IST1: variants seen among roughly 807,000 people sequenced by gnomAD.
IST1 encodes IST1 factor associated with ESCRT-III, also known as IST1 homolog.
Under a neutral mutation model 37.0 loss-of-function variants are expected in IST1, and 23 were observed. The ratio of observed to expected loss-of-function variants is 0.62; its 90% confidence interval spans 0.45 to 0.88. The LOEUF (loss-of-function observed/expected upper bound fraction) is 0.88, where lower values mean the gene tolerates loss of function less well. Among genes scored for constraint, IST1 ranks in the 40% least tolerant of loss-of-function variants. The pLI is 0.00. For missense variants in IST1, 488 were observed against 445.4 expected, an observed-to-expected ratio of 1.10 and a Z score of -0.86; for synonymous variants, 180 against 161.7, an observed-to-expected ratio of 1.11 and a Z score of -0.86.
intron 4 of IST1, among the ~76,000 whole-genome samples, chr16:71,917,886 T>A (rs949310889): frequency 6.6e-6 from 1 of 152,212 alleles, no homozygotes; most frequent in Non-Finnish European, 1.5e-5. Flanking sequence ...GTCTGTCATG[T>A]TTGTTTCTCT....
Position 71,930,162 on chromosome 16 carries a change from G to A in IST1, c.*2349G>A. 3 of 1,549,328 alleles carry A rather than the reference G, an allele frequency of 1.9e-6. No individual in the cohort carries two copies. Among genetic ancestry groups the A allele is most frequent in the East Asian group, 2.4e-5 (1 of 40,908 alleles). ...CTGGTGAGGATCAGAAAGGTGCCCA[G>A]GACTGGGTCTAAAGCGAAAACCTGG... is the stretch of plus-strand genomic sequence containing the variant. On this transcript the variant is annotated 3_prime_UTR_variant, in exon 10 of 10. Coordinates refer to ENST00000378799, the MANE Select transcript of IST1 (RefSeq NM_001270975.2).
At position 71,908,823 on chromosome 16, in the gene IST1, A is replaced by G. The variant is rs1448717063; in HGVS notation, c.-15-6803A>G. 3.3e-5 allele frequency among the ~76,000 whole-genome samples: 5 copies of G among 152,264 alleles called. 1 individual carries two copies. The South Asian group carries it at 6.2e-4, about 19-fold the overall frequency. Reference sequence around the variant, plus strand: ...TCCAGGCTGGGGAACATCAGAGGGAAAAATGATAAACTCGCCGCCAGTTTA... The same window carrying G: ...TCCAGGCTGGGGAACATCAGAGGGAGAAATGATAAACTCGCCGCCAGTTTA... On this transcript the variant is annotated intron_variant, in intron 1 of 9. Transcript: ENST00000378799.
At chr16:71,896,567 A>G (rs957435251) in intron 1 of IST1, among the ~76,000 whole-genome samples, 1 of 152,078 alleles carries the variant, frequency 6.6e-6, no homozygotes, top group Non-Finnish European at 1.5e-5. Flanking sequence ...ATATATGTAT[A>G]TATTTCCCTC....
intron 8 of IST1, among the ~76,000 whole-genome samples, chr16:71,923,924 A>T (rs939571055): frequency 3.9e-5 from 6 of 151,948 alleles, no homozygotes; most frequent in African/African-American, 1.5e-4. Flanking sequence ...CTTGTTTTTG[A>T]CCAGCCTTGT....
intron 8 of IST1, among the ~76,000 whole-genome samples, chr16:71,923,706 C>G (rs1451078151): frequency 6.6e-6 from 1 of 152,176 alleles, no homozygotes; most frequent in Non-Finnish European, 1.5e-5. Flanking sequence ...TGAGCTGATA[C>G]AATCGTGGTG....
In IST1 at chr16:71,928,603, A is replaced by G. The variant is rs1489709095; in HGVS notation, c.*790A>G. On this transcript the variant is annotated 3_prime_UTR_variant, in exon 10 of 10. Coordinates refer to ENST00000378799, the MANE Select transcript of IST1 (RefSeq NM_001270975.2). ...CAGAGAAAGGACAAGGTGCCATTCA[A>G]GTCCTAGGGTGGGCTTCCAGCTGCC... is the stretch of plus-strand genomic sequence containing the variant. 2.0e-5 allele frequency: 3 copies of G among 152,678 alleles called. No individual in the cohort carries two copies. Among genetic ancestry groups the G allele is most frequent in the Non-Finnish European group, 4.4e-5 (3 of 68,052 alleles). 9.5% of individuals were successfully genotyped at this position (152,678 alleles called of 1,614,324 possible).
At chr16:71,912,102 G>C (rs1470409445) in intron 1 of IST1, among the ~76,000 whole-genome samples, 2 of 152,054 alleles carry the variant, frequency 1.3e-5, no homozygotes, top group African/African-American at 2.4e-5. Flanking sequence ...TCATCATCAT[G>C]ATCAAGTTTA....
intron 1 of IST1, among the ~76,000 whole-genome samples, chr16:71,906,851 C>T (rs2037234975): frequency 6.6e-6 from 1 of 151,932 alleles, no homozygotes; most frequent in African/African-American, 2.4e-5. Context: ...TCGTTTTTCC[C>T]AGACTGCTTT....
At chr16:71,920,410 C>G (rs1210489237) in intron 4 of IST1, among the ~76,000 whole-genome samples, 1 of 151,320 alleles carries the variant, frequency 6.6e-6, no homozygotes, top group Non-Finnish European at 1.5e-5. Flanking sequence ...ATGATTTATT[C>G]TTTAACAAGG....
intron 9 of IST1, among the ~76,000 whole-genome samples, chr16:71,926,841 G>T (rs2037756404): frequency 6.6e-6 from 1 of 151,856 alleles, no homozygotes; most frequent in East Asian, 1.9e-4. Flanking sequence ...GATGTGTGTG[G>T]GGGCATGATC....
intron 8 of IST1, chr16:71,923,957 T>C (rs561358033): frequency 5.0e-4 from 177 of 351,900 alleles, no homozygotes; most frequent in Non-Finnish European, 8.3e-4. Context: ...TGTAGGCCTT[T>C]TGAGACCTGT....
At chr16:71,904,629 G>C (rs74390303) in intron 1 of IST1, among the ~76,000 whole-genome samples, 61 of 152,246 alleles carry the variant, frequency 4.0e-4, no homozygotes, top group African/African-American at 1.4e-3. Context: ...GTCTGGTCTT[G>C]AACTCCTGAG....
intron 8 of IST1, among the ~76,000 whole-genome samples, chr16:71,923,827 A>G (rs938033332): frequency 3.9e-5 from 6 of 152,228 alleles, no homozygotes; most frequent in Non-Finnish European, 8.8e-5. Context: ...GTCGGCCGAC[A>G]GCATTGATTT....
upstream of IST1, chr16:71,894,717 GTAGC>G: frequency 5.4e-6 from 1 of 185,762 alleles, no homozygotes; most frequent in Non-Finnish European, 8.9e-6. Context: ...TTTTTTTTTT[GTAGC>G]GATGCGGTTT....
Position 71,929,813 on chromosome 16 carries a change from C to T in IST1, c.*2000C>T, listed in dbSNP as rs1207584626. The stretch of plus-strand genomic sequence containing the variant: ...ATTTCTTTAATAATTTGCAGTCAGG[C>T]ATTGGAGTGTTTCCACTAATGGTTG... On this transcript the variant is annotated 3_prime_UTR_variant, in exon 10 of 10. Transcript: ENST00000378799. The T allele has an allele frequency of 4.9e-6, 5 of 1,030,472 alleles. No individual in the cohort carries two copies. Among genetic ancestry groups the T allele is most frequent in the Admixed American group, 5.9e-5 (2 of 33,964 alleles). The allele number at this position is 1,030,472 out of a possible 1,614,324, so 63.8% of individuals were successfully genotyped here.
rs144931417 is a variant in IST1 at position 71,930,731 on chromosome 16, A to G, written c.*2918A>G. The G allele has an allele frequency of 6.6e-6, 1 of 152,264 alleles. No individual in the cohort carries two copies. The highest frequency in any genetic ancestry group is 1.5e-5 in the Non-Finnish European group (1 of 68,032). 9.4% of individuals were successfully genotyped at this position (152,264 alleles called of 1,614,324 possible). A position where few individuals can be genotyped will look rare whatever the true frequency, so the allele number is the denominator to read the frequency against. ...TCTTTACTTTTCTGCATACATAAAT[A>G]TCAAGTTCTGGGCTTATTGGAATGG... On this transcript the variant is annotated 3_prime_UTR_variant, in exon 10 of 10. Transcript: ENST00000378799.
chr16:71,924,929 A>C, intron 9 of IST1, 112 bp downstream of exon 9: 3 of 747,262 alleles, frequency 4.0e-6, no homozygotes, highest in Non-Finnish European at 7.1e-6. Flanking sequence ...TTCTATCTGC[A>C]TGCCCTGTTC....
At chr16:71,903,019 GCT>G (rs1223711917) in intron 1 of IST1, 1 of 152,086 alleles carries the variant, frequency 6.6e-6, no homozygotes, top group African/African-American at 2.4e-5. Context: ...ACAGAGTCTT[GCT>G]CTGTTGTCCA....
chr16:71,905,804 C>T (rs749606327), intron 1 of IST1, among the ~76,000 whole-genome samples: 9 of 152,126 alleles, frequency 5.9e-5, no homozygotes, highest in Non-Finnish European at 8.8e-5. Context: ...TTTTGGTTAT[C>T]TTATGTATTA....
Sources: gnomAD v4.1 joint callset for allele counts (sites outside exome capture counted in the v4.1 genomes callset) on GRCh38, gnomAD v4.1.1 for gene constraint, MANE v1.5 for transcripts, NCBI Gene and HGNC (gene_info 2026-07-23, HGNC 2026-07-21) for gene names.